Variants in CALB1 observed in about 807,000 individuals in gnomAD.
CALB1 encodes calbindin 1.
Under a neutral mutation model 46.7 loss-of-function variants are expected in CALB1, and 16 were observed. That is an observed-to-expected ratio of 0.34 (90% CI 0.23 to 0.52). The LOEUF is 0.52. Ranked by LOEUF, CALB1 falls within the 20% of genes least tolerant of loss-of-function variation. The pLI is 0.95. For synonymous variants in CALB1, 90 were observed against 112.8 expected (o/e 0.80, Z 1.28); for missense variants, 224 against 300.3 (o/e 0.75, Z 1.88).
intron 3 of CALB1, among the ~76,000 whole-genome samples, chr8:90,076,894 C>A (rs1233000223): frequency 6.6e-6 from 1 of 151,680 alleles, no homozygotes; most frequent in Non-Finnish European, 1.5e-5. Context: ...CAGATCAATG[C>A]CTTTTACTGC....
intron 9 of CALB1, chr8:90,062,291 T>C (rs1480850689): frequency 6.6e-6 from 1 of 151,948 alleles, no homozygotes; most frequent in Non-Finnish European, 1.5e-5. Flanking sequence ...GCAATGATAT[T>C]GTGGATATGA....
intron 9 of CALB1, 107 bp downstream of exon 9, chr8:90,062,993 T>C (rs1385977009): frequency 8.6e-6 from 6 of 699,092 alleles, no homozygotes; most frequent in Non-Finnish European, 1.5e-5. Flanking sequence ...GTCAAGATTG[T>C]CTCTATAGTT....
chr8:90,078,851 C>T (rs1401273083), intron 2 of CALB1, among the ~76,000 whole-genome samples: 1 of 151,952 alleles, frequency 6.6e-6, no homozygotes, highest in Non-Finnish European at 1.5e-5. Flanking sequence ...ACATTTTTCT[C>T]ATTCTAACAT....
chr8:90,078,321 A>G, intron 3 of CALB1, 52 bp downstream of exon 3: 3 of 1,171,162 alleles, frequency 2.6e-6, no homozygotes, highest in Non-Finnish European at 3.8e-6. Context: ...ACAACTTCAA[A>G]ATTGAAACTC....
intron 3 of CALB1, among the ~76,000 whole-genome samples, chr8:90,073,215 T>A (rs2130242506): frequency 6.6e-6 from 1 of 152,318 alleles, no homozygotes; most frequent in East Asian, 1.9e-4. Context: ...ATAATTCCAA[T>A]AACTTATTAC....
intron 3 of CALB1, among the ~76,000 whole-genome samples, chr8:90,077,662 A>G (rs1237157445): frequency 1.3e-5 from 2 of 152,100 alleles, no homozygotes; most frequent in Non-Finnish European, 2.9e-5. Context: ...CTGAGAATGC[A>G]GAAGAATTGA....
chr8:90,075,775 A>G (rs903898020), intron 3 of CALB1, among the ~76,000 whole-genome samples: 6 of 152,044 alleles, frequency 3.9e-5, no homozygotes, highest in Admixed American at 2.0e-4. Flanking sequence ...CATGCATATG[A>G]ACTATTGAAG....
At position 90,060,039 on chromosome 8, in the gene CALB1, G is replaced by T; in HGVS notation, c.*134C>A. 1.6e-6 allele frequency: 1 copy of T among 636,664 alleles called. No individual in the cohort carries two copies. The highest frequency in any genetic ancestry group is 1.9e-5 in the South Asian group (1 of 51,866). The allele number at this position is 636,664 out of a possible 1,614,324, so 39.4% of individuals were successfully genotyped here. On this transcript the variant is annotated 3_prime_UTR_variant, in exon 11 of 11. Coordinates refer to ENST00000265431, the MANE Select transcript of CALB1 (RefSeq NM_004929.4). Reference sequence around the variant, plus strand: ...TATAGAAACAAGCTGAAAAGAATGAGCCACACATCCTGGATAATTATCTAT... The same window carrying T: ...TATAGAAACAAGCTGAAAAGAATGATCCACACATCCTGGATAATTATCTAT...
At chr8:90,074,382 G>A (rs1814584785) in intron 3 of CALB1, among the ~76,000 whole-genome samples, 1 of 152,056 alleles carries the variant, frequency 6.6e-6, no homozygotes. Context: ...GCTCAAAGAG[G>A]GTAAATGGCC....
intron 9 of CALB1, chr8:90,062,093 T>C (rs552652677): frequency 1.3e-5 from 2 of 152,136 alleles, no homozygotes; most frequent in Non-Finnish European, 2.9e-5. Context: ...GGGACAAGGA[T>C]AGCTTTTTTC....
At chr8:90,072,450 A>G (rs1467657402) in intron 3 of CALB1, among the ~76,000 whole-genome samples, 1 of 152,256 alleles carries the variant, frequency 6.6e-6, no homozygotes, top group Non-Finnish European at 1.5e-5. Context: ...TGAACCATTA[A>G]TGTTACACTC....
intron 3 of CALB1, among the ~76,000 whole-genome samples, chr8:90,077,480 A>G (rs1049710030): frequency 6.6e-6 from 1 of 152,038 alleles, no homozygotes; most frequent in African/African-American, 2.4e-5. Context: ...AACACTATAT[A>G]AATAACATAA....
At position 90,082,748 on chromosome 8, in the gene CALB1, C is replaced by T. The variant is rs769469602; in HGVS notation, c.-51G>A. 3.7e-5 allele frequency: 57 copies of T among 1,540,968 alleles called. No individual in the cohort carries two copies. The highest frequency in any genetic ancestry group is 5.1e-5 in the Non-Finnish European group (57 of 1,114,092). ...GTGTGAATATGCGTGTGTCTGTGTC[C>T]GCGCGAGGGGGAGTGAGCAAAAGCT... On this transcript the variant is annotated 5_prime_UTR_variant, in exon 1 of 11. Coordinates refer to ENST00000265431, the MANE Select transcript of CALB1 (RefSeq NM_004929.4).
At chr8:90,062,143 A>G (rs1284207511) in intron 9 of CALB1, 3 of 152,094 alleles carry the variant, frequency 2.0e-5, no homozygotes, top group African/African-American at 7.2e-5. Context: ...CACATGCAAA[A>G]TAATGAAATT....
chr8:90,063,320 C>T lies in CALB1; in HGVS notation c.507G>A (p.Arg169=). The T allele has an allele frequency of 6.3e-7, 1 of 1,593,270 alleles. No individual in the cohort carries two copies. Among genetic ancestry groups the T allele is most frequent in the Non-Finnish European group, 8.6e-7 (1 of 1,163,626 alleles). ...DGKLELTEMA[R]LLPVQENFLL... is the part of the protein sequence containing the mutation. ...GAAAATTCTCCTGCACTGGTAGTAA[C>T]CTTTTGAGAGAAAAACATTATATTA... The change falls in exon 8 of 11, where the codon AGG becomes AGA. Residue 169 remains arginine, a splice_region_variant and synonymous_variant. Coordinates refer to ENST00000265431, the MANE Select transcript of CALB1 (RefSeq NM_004929.4).
chr8:90,075,795 A>G (rs575190247), intron 3 of CALB1, among the ~76,000 whole-genome samples: 3 of 152,046 alleles, frequency 2.0e-5, no homozygotes, highest in Admixed American at 6.6e-5. Flanking sequence ...GCAATCTCCT[A>G]TTTTTCCTCC....
At chr8:90,065,863 G>C (rs1024986485) in intron 6 of CALB1, 35 bp downstream of exon 6, 17 of 1,356,354 alleles carry the variant, frequency 1.3e-5, no homozygotes, top group East Asian at 2.3e-5. Flanking sequence ...TACTTCATGA[G>C]CTCTTGGGTA....
chr8:90,068,490 G>A (rs775223565), intron 5 of CALB1, among the ~76,000 whole-genome samples: 1 of 152,182 alleles, frequency 6.6e-6, no homozygotes, highest in Non-Finnish European at 1.5e-5. Flanking sequence ...TCAAGGCTCT[G>A]TCCGATTTCT....
Position 90,065,004 on chromosome 8 carries a change from A to T in CALB1, c.450+894T>A, listed in dbSNP as rs114136850. Among the ~76,000 whole-genome samples the T allele has an allele frequency of 4.1e-3, 625 of 151,926 alleles. 7 individuals are homozygous for T. Among genetic ancestry groups the T allele is most frequent in the African/African-American group, 0.014 (585 of 41,532 alleles). ...ATTAAAAAGTCTAACTCCTTCTTCA[A>T]TCTAATATAACAGTAGCTTTTATAG... On this transcript the variant is annotated intron_variant, in intron 6 of 10. Transcript: ENST00000265431.
Sources: gnomAD v4.1 joint callset for allele counts (sites outside exome capture counted in the v4.1 genomes callset) on GRCh38, gnomAD v4.1.1 for gene constraint, MANE v1.5 for transcripts, NCBI Gene and HGNC (gene_info 2026-07-23, HGNC 2026-07-21) for gene names.